Variants in LRMDA observed in about 807,000 individuals in gnomAD.
LRMDA encodes leucine-rich melanocyte differentiation-associated protein.
LRMDA carries 18 observed loss-of-function variants against 29.8 expected under a neutral mutation model. The ratio of observed to expected loss-of-function variants is 0.60; its 90% CI spans 0.42 to 0.90. LRMDA has a LOEUF of 0.90. Among genes scored for constraint, LRMDA ranks in the 40% least tolerant of loss-of-function variants. LRMDA has a pLI of 0.00. For synonymous variants in LRMDA, 125 were observed against 109.4 expected (o/e 1.14, Z -0.89); for missense variants, 273 against 273.9 (o/e 1.00, Z 0.02).
At chr10:76,485,884 G>T (rs1842778568) in intron 6 of LRMDA, among the ~76,000 whole-genome samples, 1 of 151,448 alleles carries the variant, frequency 6.6e-6, no homozygotes, top group African/African-American at 2.4e-5. Context: ...CTTTAGTTTG[G>T]GACTGCTATA....
intron 6 of LRMDA, among the ~76,000 whole-genome samples, chr10:76,332,975 T>C (rs1263414725): frequency 6.6e-6 from 1 of 152,184 alleles, no homozygotes; most frequent in Admixed American, 6.5e-5. Flanking sequence ...TATTAGTTGG[T>C]AAAAGCTGCA....
At chr10:76,101,473 A>G (rs1347163492) in intron 5 of LRMDA, among the ~76,000 whole-genome samples, 1 of 152,224 alleles carries the variant, frequency 6.6e-6, no homozygotes, top group Non-Finnish European at 1.5e-5. Flanking sequence ...ACAGTGGCTC[A>G]TGCCTGTAAT....
chr10:76,013,810 G>A (rs1847827797), intron 2 of LRMDA, among the ~76,000 whole-genome samples: 2 of 152,026 alleles, frequency 1.3e-5, no homozygotes, highest in Admixed American at 1.3e-4. Context: ...GCTGTTAGCA[G>A]ACCCCATTGG....
At chr10:76,441,620 G>A (rs1003669420) in intron 6 of LRMDA, among the ~76,000 whole-genome samples, 1 of 152,166 alleles carries the variant, frequency 6.6e-6, no homozygotes, top group East Asian at 1.9e-4. Context: ...GTACCAGAAT[G>A]TGTTTGGAAT....
chr10:76,035,744 T>C (rs1221797625), intron 2 of LRMDA, among the ~76,000 whole-genome samples: 2 of 152,132 alleles, frequency 1.3e-5, no homozygotes, highest in Admixed American at 6.5e-5. Flanking sequence ...AAGCCCTTTG[T>C]TTTGGATCCT....
intron 2 of LRMDA, among the ~76,000 whole-genome samples, chr10:75,992,043 G>A (rs1384625739): frequency 6.6e-6 from 1 of 152,160 alleles, no homozygotes; most frequent in Non-Finnish European, 1.5e-5. Flanking sequence ...GTATTTCTAT[G>A]TCCCTGGTCC....
chr10:75,589,299 G>T (rs759448909), intron 2 of LRMDA, among the ~76,000 whole-genome samples: 3 of 152,158 alleles, frequency 2.0e-5, no homozygotes, highest in East Asian at 3.8e-4. Flanking sequence ...GGGCCAATAT[G>T]ATAGGTAAAA....
At chr10:75,971,564 A>G (rs1235734132) in intron 2 of LRMDA, among the ~76,000 whole-genome samples, 2 of 152,226 alleles carry the variant, frequency 1.3e-5, no homozygotes, top group Admixed American at 6.5e-5. Context: ...ATCAATCAGC[A>G]ATTCAGTGTA....
chr10:76,445,825 A>T (rs1490814239), intron 6 of LRMDA, among the ~76,000 whole-genome samples: 1 of 152,232 alleles, frequency 6.6e-6, no homozygotes, highest in Non-Finnish European at 1.5e-5. Context: ...AAACATTTTT[A>T]AAAATTAAGA....
chr10:76,016,606 T>C (rs889945201), intron 2 of LRMDA, among the ~76,000 whole-genome samples: 1 of 152,196 alleles, frequency 6.6e-6, no homozygotes, highest in Non-Finnish European at 1.5e-5. Flanking sequence ...CACACCTTTA[T>C]TGAACACTGA....
At chr10:76,061,805 T>C (rs930264144) in intron 5 of LRMDA, among the ~76,000 whole-genome samples, 1 of 152,220 alleles carries the variant, frequency 6.6e-6, no homozygotes, top group Admixed American at 6.5e-5. Flanking sequence ...GATTCTTCTG[T>C]GTTCTTGGTT....
Position 75,915,120 on chromosome 10 carries a change from C to CT in LRMDA, c.132-120859dup, listed in dbSNP as rs71024579. Among the ~76,000 whole-genome samples, 598 of 75,254 alleles carry CT rather than the reference C, an allele frequency of 7.9e-3. 54 individuals carry two copies. Among genetic ancestry groups the CT allele is most frequent in the Middle Eastern group, 0.013 (1 of 80 alleles). The allele number at this position is 75,254 out of a possible 152,430, so 49.4% of individuals were successfully genotyped here. ...CTTAGAAATTCTCATGTCTAACCTT[C>CT]TTTTTTTTTTTTTTTTTTTTTTTTT... On this transcript the variant is annotated intron_variant, in intron 2 of 6. Coordinates refer to ENST00000611255, the MANE Select transcript of LRMDA (RefSeq NM_001305581.2).
intron 2 of LRMDA, among the ~76,000 whole-genome samples, chr10:76,017,220 A>G (rs1018662683): frequency 6.6e-6 from 1 of 152,228 alleles, no homozygotes; most frequent in African/African-American, 2.4e-5. Flanking sequence ...ATCCCGCGCG[A>G]AGGCCAGAGT....
chr10:76,032,296 C>T (rs1455225367), intron 2 of LRMDA, among the ~76,000 whole-genome samples: 4 of 152,326 alleles, frequency 2.6e-5, no homozygotes, highest in African/African-American at 7.2e-5. Flanking sequence ...CCCATGGCCC[C>T]CCCATGCCAG....
chr10:75,945,917 G>A (rs1372149529), intron 2 of LRMDA, among the ~76,000 whole-genome samples: 1 of 152,126 alleles, frequency 6.6e-6, no homozygotes, highest in East Asian at 1.9e-4. Context: ...AGGCCATCTG[G>A]TATATCATTG....
intron 6 of LRMDA, among the ~76,000 whole-genome samples, chr10:76,417,970 T>A (rs193266665): frequency 6.6e-6 from 1 of 152,292 alleles, no homozygotes; most frequent in Non-Finnish European, 1.5e-5. Context: ...TATGTGAAGT[T>A]GTCTTGGACT....
At chr10:76,049,120 G>T (rs1473662950) in intron 4 of LRMDA, among the ~76,000 whole-genome samples, 1 of 152,290 alleles carries the variant, frequency 6.6e-6, no homozygotes, top group Non-Finnish European at 1.5e-5. Flanking sequence ...TGTGGGTCAT[G>T]AATCTTTAGG....
At chr10:75,479,173 C>T (rs1003628564) in intron 2 of LRMDA, among the ~76,000 whole-genome samples, 14 of 152,088 alleles carry the variant, frequency 9.2e-5, no homozygotes, top group Admixed American at 6.5e-4. Context: ...AGTGAGGTGA[C>T]GCTTAGGGAA....
chr10:75,576,769 C>A (rs1840511037), intron 2 of LRMDA, among the ~76,000 whole-genome samples: 1 of 152,188 alleles, frequency 6.6e-6, no homozygotes. Flanking sequence ...GGACCTCCAG[C>A]AAACTCCAGC....
Sources: gnomAD v4.1 joint callset for allele counts (sites outside exome capture counted in the v4.1 genomes callset) on GRCh38, gnomAD v4.1.1 for gene constraint, MANE v1.5 for transcripts, NCBI Gene and HGNC (gene_info 2026-07-23, HGNC 2026-07-21) for gene names.